Variants in SLC10A7 observed in about 807,000 individuals in gnomAD.
SLC10A7 encodes sodium/bile acid cotransporter 7.
Under a neutral mutation model 43.2 loss-of-function variants are expected in SLC10A7, and 29 were observed. The ratio of observed to expected loss-of-function variants is 0.67; its 90% CI spans 0.50 to 0.92. The LOEUF (loss-of-function observed/expected upper bound fraction) is 0.92. Ranked by LOEUF, SLC10A7 falls within the 40% of genes least tolerant of loss-of-function variation. SLC10A7 has a pLI of 0.00. For missense variants in SLC10A7, 295 were observed against 403.2 expected, an observed-to-expected ratio of 0.73 and a Z score of 2.30; for synonymous variants, 152 against 144.8, an observed-to-expected ratio of 1.05 and a Z score of -0.35.
intron 5 of SLC10A7, among the ~76,000 whole-genome samples, chr4:146,351,181 G>A (rs377581430): frequency 6.6e-6 from 1 of 150,978 alleles, no homozygotes; most frequent in East Asian, 1.9e-4. Context: ...ACAGACAAGT[G>A]CTTAAAGGAG....
intron 2 of SLC10A7, among the ~76,000 whole-genome samples, chr4:146,510,603 A>T (rs1179630694): frequency 6.6e-6 from 1 of 152,146 alleles, no homozygotes; most frequent in Non-Finnish European, 1.5e-5. Flanking sequence ...TACAATACAC[A>T]ATAAGCCCTA....
At chr4:146,281,842 G>T (rs908735897) in intron 10 of SLC10A7, among the ~76,000 whole-genome samples, 1 of 152,136 alleles carries the variant, frequency 6.6e-6, no homozygotes, top group African/African-American at 2.4e-5. Flanking sequence ...CTCACCAAGT[G>T]CCAGGCAGCA....
At chr4:146,434,187 G>A (rs1730022299) in intron 5 of SLC10A7, among the ~76,000 whole-genome samples, 1 of 152,146 alleles carries the variant, frequency 6.6e-6, no homozygotes, top group Admixed American at 6.5e-5. Flanking sequence ...CGTAATATCA[G>A]TTTTTTAACT....
rs1057113368 is a variant in SLC10A7, at chr4:146,448,212, TATA to T, written c.397-5394_397-5392del. On this transcript the variant is annotated intron_variant, in intron 4 of 11. Coordinates refer to ENST00000335472, the MANE Select transcript of SLC10A7 (RefSeq NM_001029998.6). ...TGCACATGTACCCTAAAACTTAAAG[TATA>T]ATAATAATAAAATTAAAAAATAAAA... Among the ~76,000 whole-genome samples the T allele has an allele frequency of 5.9e-5, 9 of 151,448 alleles. No individual in the cohort carries two copies. In the South Asian group the frequency reaches 8.3e-4, roughly 14 times the overall value.
chr4:146,414,122 A>AG (rs1560885625), intron 5 of SLC10A7, among the ~76,000 whole-genome samples: 1 of 152,194 alleles, frequency 6.6e-6, no homozygotes, highest in Non-Finnish European at 1.5e-5. Context: ...AACACGGGCT[A>AG]GTCAACAGCT....
chr4:146,372,195 C>G (rs2244840), intron 5 of SLC10A7, among the ~76,000 whole-genome samples: 1,588 of 152,006 alleles, frequency 0.01, 23 homozygotes, highest in African/African-American at 0.036. Flanking sequence ...AGCTTTTGTC[C>G]ATAATTCTAG....
intron 4 of SLC10A7, among the ~76,000 whole-genome samples, chr4:146,461,679 A>T (rs1481125073): frequency 6.6e-6 from 1 of 152,000 alleles, no homozygotes; most frequent in Non-Finnish European, 1.5e-5. Flanking sequence ...TTGTAAATGT[A>T]TCAAATATAA....
intron 5 of SLC10A7, among the ~76,000 whole-genome samples, chr4:146,333,078 T>C (rs571470539): frequency 6.6e-6 from 1 of 152,286 alleles, no homozygotes; most frequent in South Asian, 2.1e-4. Context: ...TATGTCATAA[T>C]AGTGTATGCC....
intron 5 of SLC10A7, among the ~76,000 whole-genome samples, chr4:146,350,442 G>A (rs1475517064): frequency 7.1e-5 from 10 of 141,630 alleles, no homozygotes; most frequent in Admixed American, 2.1e-4. Flanking sequence ...TAAGGCGGCA[G>A]CGAGGCTGGG....
intron 4 of SLC10A7, among the ~76,000 whole-genome samples, chr4:146,452,109 G>A (rs114190247): frequency 0.021 from 3,139 of 152,134 alleles, 104 homozygotes; most frequent in African/African-American, 0.072. Flanking sequence ...GGACTACTCC[G>A]GCAGATCAGA....
rs191296881 is a variant in SLC10A7, at chr4:146,309,772, T to C, written c.472-3763A>G. Among the ~76,000 whole-genome samples, 292 of 152,276 alleles carry C rather than the reference T, an allele frequency of 1.9e-3. 2 individuals are homozygous for C. The highest frequency in any genetic ancestry group is 3.4e-3 in the Non-Finnish European group (233 of 68,010). On this transcript the variant is annotated intron_variant, in intron 6 of 11. Transcript: ENST00000335472. ...TCTATAATCTCAATAGTAACATTTA[T>C]CGTGCACTTTCATGTGACAGACACT...
intron 7 of SLC10A7, 102 bp downstream of exon 7, chr4:146,305,824 T>A: frequency 2.0e-6 from 2 of 982,838 alleles, no homozygotes; most frequent in Non-Finnish European, 3.0e-6. Flanking sequence ...TTTTCATTTA[T>A]CTCCTCCCTC....
At chr4:146,405,652 A>G (rs1727617085) in intron 5 of SLC10A7, among the ~76,000 whole-genome samples, 1 of 151,910 alleles carries the variant, frequency 6.6e-6, no homozygotes, top group Non-Finnish European at 1.5e-5. Context: ...TTATCTATCT[A>G]TCTGCCTGTC....
intron 5 of SLC10A7, among the ~76,000 whole-genome samples, chr4:146,357,581 T>A (rs1735746609): frequency 6.6e-6 from 1 of 152,202 alleles, no homozygotes; most frequent in African/African-American, 2.4e-5. Context: ...CATAAGTCCG[T>A]TATCTACTTT....
chr4:146,320,155 C>T (rs1012135979), intron 6 of SLC10A7, among the ~76,000 whole-genome samples: 14 of 152,056 alleles, frequency 9.2e-5, no homozygotes, highest in African/African-American at 3.4e-4. Context: ...TCCAGGCTTA[C>T]TTACATTTAG....
intron 9 of SLC10A7, among the ~76,000 whole-genome samples, chr4:146,288,225 A>C (rs1480616263): frequency 6.6e-6 from 1 of 152,206 alleles, no homozygotes; most frequent in African/African-American, 2.4e-5. Flanking sequence ...CTTGTACTCT[A>C]GCTATGTAGG....
At chr4:146,290,089 C>T (rs745925636) in intron 9 of SLC10A7, among the ~76,000 whole-genome samples, 78 of 149,686 alleles carry the variant, frequency 5.2e-4, no homozygotes, top group Non-Finnish European at 2.8e-4. Context: ...CTTTGGGAGG[C>T]CAAGGTGGGC....
chr4:146,442,929 T>A, intron 4 of SLC10A7, 108 bp from the exon 5 acceptor site: 2 of 819,744 alleles, frequency 2.4e-6, no homozygotes, highest in South Asian at 1.9e-5. Flanking sequence ...CTTAAAACAT[T>A]GACTCTATAA....
At chr4:146,314,859 G>A (rs1732219597) in intron 6 of SLC10A7, among the ~76,000 whole-genome samples, 1 of 152,044 alleles carries the variant, frequency 6.6e-6, no homozygotes, top group Non-Finnish European at 1.5e-5. Context: ...ATAAATTGAT[G>A]GTCTGCAGAA....
Sources: allele counts gnomAD v4.1 joint callset (sites outside exome capture counted in the v4.1 genomes callset), GRCh38; gene constraint gnomAD v4.1.1; transcripts MANE v1.5; gene names NCBI Gene and HGNC (gene_info 2026-07-23, HGNC 2026-07-21).